Variants in FBXL2 observed in about 807,000 individuals in gnomAD.
FBXL2 encodes the protein F-box/LRR-repeat protein 2.
A neutral mutation model predicts 69.2 loss-of-function variants in FBXL2; 38 were observed. The observed-to-expected ratio is 0.55, with a 90% CI of 0.42 to 0.72. The LOEUF (loss-of-function observed/expected upper bound fraction) is 0.72. Among genes scored for constraint, FBXL2 ranks in the 30% least tolerant of loss-of-function variants. The probability of loss-of-function intolerance (pLI) is 0.00; values close to 1 mark genes in which losing one functional copy is unlikely to be tolerated. For missense variants in FBXL2, 354 were observed against 520.3 expected (o/e 0.68, Z 3.11); for synonymous variants, 192 against 201.3 (o/e 0.95, Z 0.39).
intron 2 of FBXL2, among the ~76,000 whole-genome samples, chr3:33,324,783 C>T (rs1226454083): frequency 6.6e-5 from 10 of 152,190 alleles, no homozygotes; most frequent in South Asian, 4.1e-4. Flanking sequence ...CTTGGCCATA[C>T]GGGCTCTTTT....
chr3:33,285,332 T>G (rs930330183), intron 1 of FBXL2, among the ~76,000 whole-genome samples: 14 of 152,232 alleles, frequency 9.2e-5, no homozygotes, highest in Non-Finnish European at 1.9e-4. Flanking sequence ...AATTCTGGGT[T>G]GAAAATTCTT....
intron 2 of FBXL2, among the ~76,000 whole-genome samples, chr3:33,342,369 A>T (rs982756558): frequency 2.0e-5 from 3 of 151,342 alleles, no homozygotes; most frequent in Non-Finnish European, 2.9e-5. Flanking sequence ...ATATATTAAA[A>T]ATTTAAAGCT....
At position 33,301,794 on chromosome 3, in the gene FBXL2, A is replaced by G. The variant is rs180701937; in HGVS notation, c.65+4069A>G. ...TGGAAGTACTTAATTTGTTGCAACC[A>G]TTATCTATTAGTGAGTTGGAGTATC... On this transcript the variant is annotated intron_variant, in intron 2 of 14. Coordinates refer to ENST00000484457, the MANE Select transcript of FBXL2 (RefSeq NM_012157.5). Among the ~76,000 whole-genome samples the G allele has an allele frequency of 4.6e-5, 7 of 152,222 alleles. No homozygotes were observed. The East Asian group carries it at 1.4e-3, about 29-fold the overall frequency.
the FBXL2 span, among the ~76,000 whole-genome samples, chr3:33,417,406 T>C: frequency 3.9e-5 from 6 of 152,192 alleles, no homozygotes; most frequent in African/African-American, 1.4e-4. Flanking sequence ...ATTTGTGCCT[T>C]GCTTTTTAAA....
chr3:33,300,667 T>C (rs566072583), intron 2 of FBXL2: 1 of 152,144 alleles, frequency 6.6e-6, no homozygotes, highest in Non-Finnish European at 1.5e-5. Flanking sequence ...TTTCAGACTT[T>C]CCATTCTCTG....
the FBXL2 span, among the ~76,000 whole-genome samples, chr3:33,420,501 T>TTC: frequency 6.6e-6 from 1 of 150,602 alleles, no homozygotes; most frequent in Admixed American, 6.6e-5. Context: ...TTTTTTTTTT[T>TTC]TTTTTGGAGA....
chr3:33,300,773 A>G (rs1405517753), intron 2 of FBXL2, among the ~76,000 whole-genome samples: 1 of 150,542 alleles, frequency 6.6e-6, no homozygotes, highest in Non-Finnish European at 1.5e-5. Context: ...CAATGGCGCA[A>G]TCTTGGCTCA....
chr3:33,381,505 G>A (rs191274944), intron 13 of FBXL2, among the ~76,000 whole-genome samples: 5 of 152,212 alleles, frequency 3.3e-5, no homozygotes, highest in Admixed American at 6.5e-5. Flanking sequence ...TTAGCCAGGC[G>A]TGGTGGCGCA....
At chr3:33,279,185 C>T (rs1013009453) in intron 1 of FBXL2, among the ~76,000 whole-genome samples, 37 of 152,090 alleles carry the variant, frequency 2.4e-4, no homozygotes, top group Admixed American at 2.4e-3. Flanking sequence ...GATAAGGTGT[C>T]CAGGCTTCCA....
At chr3:33,401,167 C>T (rs971898746) in intron 12 of FBXL2, 4 of 624,770 alleles carry the variant, frequency 6.4e-6, no homozygotes, top group South Asian at 4.8e-5. Flanking sequence ...AAAATGCAAG[C>T]GCAACAGCTT....
At chr3:33,344,055 A>T (rs1319044371) in intron 2 of FBXL2, among the ~76,000 whole-genome samples, 1 of 152,016 alleles carries the variant, frequency 6.6e-6, no homozygotes, top group African/African-American at 2.4e-5. Flanking sequence ...TTAATATCTA[A>T]CAATCAGTTT....
chr3:33,284,668 T>C (rs2034409656), intron 1 of FBXL2, among the ~76,000 whole-genome samples: 2 of 152,182 alleles, frequency 1.3e-5, no homozygotes, highest in Non-Finnish European at 1.5e-5. Context: ...CCATTATTAT[T>C]GTGTGGGAGT....
the FBXL2 span, among the ~76,000 whole-genome samples, chr3:33,412,186 C>CA: frequency 0.025 from 1,553 of 63,166 alleles, 21 homozygotes; most frequent in Middle Eastern, 0.043. Context: ...AACTCCGTCT[C>CA]AAAAAAAAAA....
chr3:33,385,827 A>T lies in FBXL2; in HGVS notation c.*219A>T, dbSNP rs1248246262. On this transcript the variant is annotated 3_prime_UTR_variant, in exon 15 of 15. Transcript: ENST00000484457. ...ATCAAAGCCTTGTGTCAGTTAACAC[A>T]TGACAAGTGGTCTCAATGCAGCTAG... The T allele has an allele frequency of 7.1e-6, 4 of 564,514 alleles. No individual in the cohort carries two copies. The highest frequency in any genetic ancestry group is 1.3e-5 in the Non-Finnish European group (4 of 315,258). The allele number at this position is 564,514 out of a possible 1,614,324, so 35.0% of individuals were successfully genotyped here.
intron 2 of FBXL2, among the ~76,000 whole-genome samples, chr3:33,316,893 T>G (rs1176585623): frequency 6.6e-6 from 1 of 152,034 alleles, no homozygotes; most frequent in Non-Finnish European, 1.5e-5. Flanking sequence ...ATTTTCTCTG[T>G]TTTTCTTTTT....
intron 13 of FBXL2, among the ~76,000 whole-genome samples, chr3:33,379,833 C>G (rs2042910214): frequency 1.3e-5 from 2 of 152,092 alleles, no homozygotes; most frequent in Admixed American, 1.3e-4. Flanking sequence ...ACTCCAGAGA[C>G]ACAAGTGTAG....
chr3:33,325,594 G>A (rs189218511), intron 2 of FBXL2, among the ~76,000 whole-genome samples: 1 of 152,028 alleles, frequency 6.6e-6, no homozygotes, highest in Non-Finnish European at 1.5e-5. Context: ...CTTCATCTAG[G>A]GATTCAATTA....
chr3:33,277,235 G>A (rs1489001245), upstream of FBXL2: 1 of 390,526 alleles, frequency 2.6e-6, no homozygotes, highest in African/African-American at 2.1e-5. Context: ...CTGCGGCTGG[G>A]TAATCTGTCA....
At chr3:33,301,846 T>C (rs563202228) in intron 2 of FBXL2, among the ~76,000 whole-genome samples, 1 of 152,340 alleles carries the variant, frequency 6.6e-6, no homozygotes, top group South Asian at 2.1e-4. Context: ...CACATTGTTA[T>C]TGTCCATATT....
Sources: allele counts gnomAD v4.1 joint callset (sites outside exome capture counted in the v4.1 genomes callset), GRCh38; gene constraint gnomAD v4.1.1; transcripts MANE v1.5; gene names NCBI Gene and HGNC (gene_info 2026-07-23, HGNC 2026-07-21).